PIBF1: variants seen among roughly 807,000 people sequenced by gnomAD.
The protein encoded by PIBF1 is progesterone immunomodulatory binding factor 1, also known as progesterone-induced-blocking factor 1.
PIBF1 carries 90 observed loss-of-function variants against 112.5 expected under a neutral mutation model. The observed-to-expected ratio is 0.80, with a 90% confidence interval of 0.67 to 0.95. PIBF1 has a LOEUF of 0.95. PIBF1 is among the 40% of genes least tolerant of loss of function. The pLI is 0.00. For missense variants in PIBF1, 915 were observed against 852.3 expected (o/e 1.07, Z -0.92); for synonymous variants, 301 against 288.6 (o/e 1.04, Z -0.44).
intron 4 of PIBF1, among the ~76,000 whole-genome samples, chr13:72,797,510 A>G (rs1271107400): frequency 6.6e-6 from 1 of 152,218 alleles, no homozygotes; most frequent in Non-Finnish European, 1.5e-5. Context: ...AGAGACCTAT[A>G]GGGAGACAAG....
At chr13:72,931,717 C>CTTATATAT (rs1414425546) in intron 14 of PIBF1, among the ~76,000 whole-genome samples, 1 of 24,412 alleles carries the variant, frequency 4.1e-5, no homozygotes, top group Non-Finnish European at 8.6e-5. Context: ...ATTTAAACTA[C>CTTATATAT]GTATATATAT....
intron 2 of PIBF1, among the ~76,000 whole-genome samples, chr13:72,785,611 A>G (rs1032721635): frequency 6.6e-6 from 1 of 152,220 alleles, no homozygotes; most frequent in Non-Finnish European, 1.5e-5. Flanking sequence ...TACCTAGTCT[A>G]GGTCACTTGG....
At chr13:72,886,508 T>C (rs1457512594) in intron 10 of PIBF1, among the ~76,000 whole-genome samples, 1 of 152,002 alleles carries the variant, frequency 6.6e-6, no homozygotes, top group East Asian at 1.9e-4. Context: ...ATGCTTTTAT[T>C]TTATGGCAAC....
intron 16 of PIBF1, among the ~76,000 whole-genome samples, chr13:72,980,589 G>A (rs943244928): frequency 1.3e-5 from 2 of 152,124 alleles, no homozygotes; most frequent in African/African-American, 4.8e-5. Flanking sequence ...GAGCTCAGGA[G>A]TTCAAGACCA....
intron 17 of PIBF1, among the ~76,000 whole-genome samples, chr13:73,004,954 G>A (rs1322185959): frequency 6.6e-6 from 1 of 152,178 alleles, no homozygotes; most frequent in Non-Finnish European, 1.5e-5. Flanking sequence ...GGAGGCCAAG[G>A]TGTGGGGATC....
At chr13:72,931,373 C>T in intron 14 of PIBF1, 106 bp downstream of exon 14, 2 of 771,238 alleles carry the variant, frequency 2.6e-6, no homozygotes, top group Non-Finnish European at 4.3e-6. Flanking sequence ...TTTGCTAGTA[C>T]AAAATGATTT....
chr13:72,792,158 T>A (rs2034965404), intron 2 of PIBF1, among the ~76,000 whole-genome samples: 1 of 151,814 alleles, frequency 6.6e-6, no homozygotes, highest in Non-Finnish European at 1.5e-5. Flanking sequence ...TAACCGGGTG[T>A]GGTGGCACTT....
intron 10 of PIBF1, chr13:72,881,302 A>ACAAAATCAGTGTAC (rs1454404006): frequency 6.6e-6 from 1 of 152,208 alleles, no homozygotes; most frequent in African/African-American, 2.4e-5. Flanking sequence ...GTTGCAGGAT[A>ACAAAATCAGTGTAC]CAAAATCAGT....
chr13:72,791,436 A>C (rs1321795890), intron 2 of PIBF1, among the ~76,000 whole-genome samples: 1 of 152,162 alleles, frequency 6.6e-6, no homozygotes, highest in East Asian at 1.9e-4. Context: ...ATAGACTAAG[A>C]GCAAAATCCA....
chr13:73,001,625 C>CT (rs777363863), intron 17 of PIBF1, among the ~76,000 whole-genome samples: 365 of 29,784 alleles, frequency 0.012, 1 homozygote, highest in Non-Finnish European at 0.021. Context: ...CTTCTGAAGA[C>CT]TTTTTTTTTT....
At chr13:72,948,202 T>C (rs1365441939) in intron 14 of PIBF1, among the ~76,000 whole-genome samples, 1 of 151,934 alleles carries the variant, frequency 6.6e-6, no homozygotes, top group African/African-American at 2.4e-5. Context: ...TCTGCACATG[T>C]ATCCCAAAAC....
At chr13:73,013,677 C>T (rs1397054824) in intron 17 of PIBF1, among the ~76,000 whole-genome samples, 1 of 141,056 alleles carries the variant, frequency 7.1e-6, no homozygotes, top group African/African-American at 2.6e-5. Flanking sequence ...GTTGAGGCTA[C>T]AGTTAGCCAT....
At chr13:72,919,811 T>C (rs1482079880) in intron 13 of PIBF1, among the ~76,000 whole-genome samples, 4 of 151,882 alleles carry the variant, frequency 2.6e-5, no homozygotes, top group East Asian at 1.9e-4. Context: ...CTACAAAAAA[T>C]ACAAAAACTT....
chr13:72,808,776 T>G (rs1401684718), intron 5 of PIBF1, among the ~76,000 whole-genome samples: 1 of 152,166 alleles, frequency 6.6e-6, no homozygotes, highest in African/African-American at 2.4e-5. Flanking sequence ...GATTTTCTCA[T>G]GCACCTTGAT....
At chr13:72,849,378 C>A (rs1566355083) in intron 9 of PIBF1, among the ~76,000 whole-genome samples, 1 of 152,304 alleles carries the variant, frequency 6.6e-6, no homozygotes, top group East Asian at 1.9e-4. Context: ...CGGATAGCTT[C>A]TATCAATTTT....
chr13:72,844,791 A>ACACACGCG (rs2037791421), intron 9 of PIBF1, among the ~76,000 whole-genome samples: 3 of 131,128 alleles, frequency 2.3e-5, no homozygotes, highest in African/African-American at 8.7e-5. Context: ...ACACACACAC[A>ACACACGCG]CACACACACG....
chr13:72,799,757 A>G (rs955277503), intron 5 of PIBF1, among the ~76,000 whole-genome samples: 9 of 152,292 alleles, frequency 5.9e-5, no homozygotes, highest in East Asian at 3.9e-4. Flanking sequence ...CGTTGGTTCT[A>G]TACACCTTAT....
intron 11 of PIBF1, among the ~76,000 whole-genome samples, chr13:72,900,107 C>T (rs554350327): frequency 1.3e-5 from 2 of 152,190 alleles, no homozygotes; most frequent in East Asian, 3.9e-4. Context: ...TCATAGATGA[C>T]ACAAACAAAT....
intron 14 of PIBF1, among the ~76,000 whole-genome samples, chr13:72,953,801 C>T (rs1378440247): frequency 2.0e-5 from 3 of 152,086 alleles, no homozygotes; most frequent in Non-Finnish European, 4.4e-5. Flanking sequence ...GTGGTGCTTG[C>T]AAAAGAGTAC....
Sources: allele counts gnomAD v4.1 joint callset (sites outside exome capture counted in the v4.1 genomes callset), GRCh38; gene constraint gnomAD v4.1.1; transcripts MANE v1.5; gene names NCBI Gene and HGNC (gene_info 2026-07-23, HGNC 2026-07-21).